Variants in NPC1 observed in about 807,000 individuals in gnomAD.
NPC1 encodes Niemann-Pick C1 protein.
A neutral mutation model predicts 140.4 loss-of-function variants in NPC1; 85 were observed. The ratio of observed to expected loss-of-function variants is 0.61; its 90% CI spans 0.51 to 0.72. The LOEUF is 0.72. NPC1 is among the 30% of genes least tolerant of loss of function. The pLI is 0.00. For missense variants in NPC1, 1,504 were observed against 1,623.8 expected (o/e 0.93, Z 1.27); for synonymous variants, 656 against 624.8 (o/e 1.05, Z -0.74).
rs35922440 is a variant in NPC1 at position 23,575,769 on chromosome 18, C to CAAAAAAAAAAAA, written c.58-2207_58-2196dup. On this transcript the variant is annotated intron_variant, in intron 1 of 24. Transcript: ENST00000269228. ...CTTCTAGAGACACAGCAGAGAAGAC[C>CAAAAAAAAAAAA]AAAAAAAAAAAAAAAAAAAAAAAAA... Among the ~76,000 whole-genome samples, 161 of 35,108 alleles carry CAAAAAAAAAAAA rather than the reference C, an allele frequency of 4.6e-3. 11 individuals carry two copies. Among genetic ancestry groups the CAAAAAAAAAAAA allele is most frequent in the African/African-American group, 0.012 (143 of 11,788 alleles). The allele number at this position is 35,108 out of a possible 152,430, so 23.0% of individuals were successfully genotyped here.
rs768803055 is a variant in NPC1, at chr18:23,543,550, C to T, written c.2150G>A (p.Gly717Glu). 88 of 1,602,506 alleles carry T rather than the reference C, an allele frequency of 5.5e-5. No homozygotes were observed. Among genetic ancestry groups the T allele is most frequent in the Non-Finnish European group, 7.1e-5 (83 of 1,174,038 alleles). Residue 717 changes from glycine (G) to glutamate (E), a missense_variant, in exon 14 of 25, where the codon GGG (glycine) becomes GAG (glutamate). By Grantham distance (98) the Gly-to-Glu change is moderately conservative (BLOSUM62 -2). Coordinates refer to ENST00000269228, the MANE Select transcript of NPC1 (RefSeq NM_000271.5). ...GCCCAGCTGCTGATCCAGGGTTTCC[C>T]CTTGAAGACGTTCATCTCTCTTAAA... ...QAYQRDERLQ[G>E]ETLDQQLGRV...
At chr18:23,540,319 C>G (rs1567950736) in intron 17 of NPC1, 129 bp downstream of exon 17, 9 of 720,780 alleles carry the variant, frequency 1.2e-5, no homozygotes, top group Non-Finnish European at 2.2e-5. Flanking sequence ...TCTCCTAACC[C>G]TGGAAACCCT....
At chr18:23,559,486 C>T (rs1316387994) in intron 6 of NPC1, among the ~76,000 whole-genome samples, 1 of 145,688 alleles carries the variant, frequency 6.9e-6, no homozygotes, top group East Asian at 2.0e-4. Flanking sequence ...GCTCATTTGA[C>T]TCTGACTTTT....
intron 1 of NPC1, among the ~76,000 whole-genome samples, chr18:23,581,035 G>A (rs1397038695): frequency 6.6e-6 from 1 of 152,228 alleles, no homozygotes; most frequent in Admixed American, 6.5e-5. Context: ...GGTGTGCTCA[G>A]CTAGTCCAAC....
chr18:23,561,251 A>C, intron 5 of NPC1, 109 bp downstream of exon 5: 1 of 1,150,280 alleles, frequency 8.7e-7, no homozygotes, highest in Non-Finnish European at 1.3e-6. Context: ...GTCTTAAGCA[A>C]TTCTCTTGCC....
At chr18:23,573,687 A>G in intron 1 of NPC1, 113 bp from the exon 2 acceptor site, 1 of 1,231,130 alleles carries the variant, frequency 8.1e-7, no homozygotes, top group South Asian at 1.2e-5. Flanking sequence ...CTGCAAAATT[A>G]AGTAACAGCA....
chr18:23,521,687 C>T (rs1161015447), downstream of NPC1, among the ~76,000 whole-genome samples: 1 of 75,164 alleles, frequency 1.3e-5, no homozygotes, highest in African/African-American at 7.2e-5. Flanking sequence ...TCAACACACA[C>T]TCTCTCTCTT....
intron 3 of NPC1, among the ~76,000 whole-genome samples, chr18:23,571,392 G>A (rs1185457681): frequency 6.6e-6 from 1 of 151,994 alleles, no homozygotes; most frequent in Non-Finnish European, 1.5e-5. Flanking sequence ...AGTGGCTCAT[G>A]CCTGTAATCC....
Position 23,561,211 on chromosome 18 carries a change from T to C in NPC1, c.631+149A>G, listed in dbSNP as rs1029664536. On this transcript the variant is annotated intron_variant, in intron 5 of 24. Coordinates refer to ENST00000269228, the MANE Select transcript of NPC1 (RefSeq NM_000271.5). ...TTCTTTCATAGAGATGGGGCCTCAC[T>C]ACATTGCCCAGGCTGGTCTGGAACT... The C allele has an allele frequency of 4.9e-6, 4 of 811,006 alleles. No individual in the cohort carries two copies. The Admixed American group carries it at 5.3e-5, about 11-fold the overall frequency. 50.2% of individuals were successfully genotyped at this position (811,006 alleles called of 1,614,324 possible).
downstream of NPC1, chr18:23,529,451 T>TA: frequency 7.5e-7 from 1 of 1,340,600 alleles, no homozygotes; most frequent in Non-Finnish European, 1.0e-6. Flanking sequence ...TAGTTTGGCT[T>TA]CTAATGCTGA....
chr18:23,511,682 T>C (rs2057862732), intron 3 of NPC1, among the ~76,000 whole-genome samples: 1 of 152,068 alleles, frequency 6.6e-6, no homozygotes, highest in East Asian at 1.9e-4. Flanking sequence ...AAGTGTATCT[T>C]GGACATCTTT....
chr18:23,526,140 A>G (rs2058291887), downstream of NPC1, among the ~76,000 whole-genome samples: 1 of 152,218 alleles, frequency 6.6e-6, no homozygotes, highest in Non-Finnish European at 1.5e-5. Context: ...AGATGCTGGC[A>G]GTGTGGGTGA....
intron 3 of NPC1, among the ~76,000 whole-genome samples, chr18:23,510,118 T>G (rs1598848724): frequency 6.7e-6 from 1 of 148,788 alleles, no homozygotes; most frequent in African/African-American, 2.5e-5. Context: ...AGTCCAGGAG[T>G]CTGAGACCAG....
chr18:23,578,330 CA>C, intron 1 of NPC1, among the ~76,000 whole-genome samples: 1 of 152,360 alleles, frequency 6.6e-6, no homozygotes, highest in East Asian at 1.9e-4. Flanking sequence ...GGATTCAAAA[CA>C]GAGCAGGTGA....
intron 3 of NPC1, among the ~76,000 whole-genome samples, chr18:23,513,722 GT>G (rs2057924407): frequency 2.0e-5 from 3 of 152,094 alleles, no homozygotes; most frequent in Admixed American, 2.0e-4. Flanking sequence ...GTTTTGTTTT[GT>G]TTTTGATACT....
At chr18:23,509,055 AT>A (rs2057782513) in intron 3 of NPC1, 1 of 348,492 alleles carries the variant, frequency 2.9e-6, no homozygotes. Context: ...TTAAAAGAAA[AT>A]TTGTTTTGTT....
At chr18:23,566,735 G>C (rs1229649970) in intron 4 of NPC1, among the ~76,000 whole-genome samples, 1 of 152,086 alleles carries the variant, frequency 6.6e-6, no homozygotes, top group Admixed American at 6.5e-5. Flanking sequence ...CTTGTTTTAA[G>C]TATGTAGTAC....
chr18:23,528,857 T>C (rs1425163281), downstream of NPC1: 4 of 206,828 alleles, frequency 1.9e-5, no homozygotes, highest in African/African-American at 2.4e-5. Context: ...CCCACAGCTA[T>C]TGCATAATCT....
At chr18:23,565,978 C>T (rs779630389) in intron 4 of NPC1, among the ~76,000 whole-genome samples, 1 of 152,010 alleles carries the variant, frequency 6.6e-6, no homozygotes, top group Non-Finnish European at 1.5e-5. Context: ...TCCAGCTCAC[C>T]ATTTGGTTTT....
Sources: allele counts gnomAD v4.1 joint callset (sites outside exome capture counted in the v4.1 genomes callset), GRCh38; gene constraint gnomAD v4.1.1; transcripts MANE v1.5; gene names NCBI Gene and HGNC (gene_info 2026-07-23, HGNC 2026-07-21).